ZNF385D: variants seen among roughly 807,000 people sequenced by gnomAD.
ZNF385D encodes the protein zinc finger protein 659.
A neutral mutation model predicts 35.8 loss-of-function variants in ZNF385D; 15 were observed. The observed-to-expected ratio is 0.42, with a 90% CI of 0.28 to 0.64. ZNF385D has a LOEUF of 0.64. Among genes scored for constraint, ZNF385D ranks in the 30% least tolerant of loss-of-function variants. The pLI is 0.23. For missense variants in ZNF385D, 474 were observed against 494.6 expected (o/e 0.96, Z 0.39); for synonymous variants, 212 against 186.8 (o/e 1.13, Z -1.10).
At chr3:22,059,006 C>T (rs747369325) in intron 3 of ZNF385D, among the ~76,000 whole-genome samples, 1 of 152,164 alleles carries the variant, frequency 6.6e-6, no homozygotes, top group Non-Finnish European at 1.5e-5. Flanking sequence ...CCCTAAACCT[C>T]CTACTAGGTC....
At chr3:21,500,271 T>C (rs974347845) in intron 4 of ZNF385D, among the ~76,000 whole-genome samples, 2 of 152,210 alleles carry the variant, frequency 1.3e-5, no homozygotes, top group African/African-American at 4.8e-5. Context: ...TTTTTACTAT[T>C]AAAATAATTC....
chr3:21,710,463 G>A (rs540141038), intron 1 of ZNF385D, among the ~76,000 whole-genome samples: 1 of 152,066 alleles, frequency 6.6e-6, no homozygotes, highest in African/African-American at 2.4e-5. Flanking sequence ...TCCTTAAGGT[G>A]CACTGGCTTC....
chr3:21,821,748 C>G (rs1694246010), intron 3 of ZNF385D, among the ~76,000 whole-genome samples: 1 of 151,990 alleles, frequency 6.6e-6, no homozygotes, highest in Admixed American at 6.6e-5. Flanking sequence ...ACCATGTCAG[C>G]TCAGGAGTTC....
intron 2 of ZNF385D, among the ~76,000 whole-genome samples, chr3:22,229,809 T>C (rs1469779087): frequency 1.3e-5 from 2 of 152,140 alleles, no homozygotes; most frequent in African/African-American, 4.8e-5. Context: ...AGGTCTCCCC[T>C]TGGGCAATGC....
chr3:22,012,137 G>T (rs1404625653), intron 3 of ZNF385D, among the ~76,000 whole-genome samples: 1 of 152,126 alleles, frequency 6.6e-6, no homozygotes, highest in Non-Finnish European at 1.5e-5. Context: ...TTAGTAATTA[G>T]AGTTTTCACT....
Position 21,932,120 on chromosome 3 carries a change from T to C in ZNF385D, c.325+236697A>G, listed in dbSNP as rs370956658. On this transcript the variant is annotated intron_variant, in intron 3 of 5. Coordinates refer to the ZNF385D transcript ENST00000494108. Reference sequence around the variant, plus strand: ...AGGCGGAGCTTGCAGTGAGCCGAGATAGCGCCCCTGCACTCCGGCCTGGGC... The same window carrying C: ...AGGCGGAGCTTGCAGTGAGCCGAGACAGCGCCCCTGCACTCCGGCCTGGGC... Among the ~76,000 whole-genome samples, 18 of 122,960 alleles carry C rather than the reference T, an allele frequency of 1.5e-4. No homozygotes were observed. The South Asian group carries it at 1.8e-3, about 12-fold the overall frequency. 80.7% of individuals were successfully genotyped at this position (122,960 alleles called of 152,430 possible).
At chr3:22,068,529 T>C (rs1700077387) in intron 3 of ZNF385D, among the ~76,000 whole-genome samples, 1 of 152,200 alleles carries the variant, frequency 6.6e-6, no homozygotes. Context: ...TAAAACTTTT[T>C]ATTATATTCT....
chr3:21,835,724 G>A (rs1695289858), intron 3 of ZNF385D, among the ~76,000 whole-genome samples: 1 of 152,040 alleles, frequency 6.6e-6, no homozygotes, highest in South Asian at 2.1e-4. Context: ...TATGGGGAAA[G>A]ATGATACCTT....
chr3:22,139,328 C>A (rs545086507), intron 3 of ZNF385D, among the ~76,000 whole-genome samples: 1 of 152,074 alleles, frequency 6.6e-6, no homozygotes, highest in Non-Finnish European at 1.5e-5. Flanking sequence ...ATGTTTAATG[C>A]GGCAGTATTC....
chr3:22,094,042 G>T (rs1361784407), intron 3 of ZNF385D, among the ~76,000 whole-genome samples: 3 of 151,962 alleles, frequency 2.0e-5, no homozygotes, highest in African/African-American at 7.3e-5. Context: ...TAATAAGTGG[G>T]TTGACTGGAT....
rs371203094 is a variant in ZNF385D at position 21,590,342 on chromosome 3, G to C, written c.166-25658C>G. Among the ~76,000 whole-genome samples, 7 of 152,208 alleles carry C rather than the reference G, an allele frequency of 4.6e-5. 1 individual carries two copies. Among genetic ancestry groups the C allele is most frequent in the African/African-American group, 1.7e-4 (7 of 41,522 alleles). On this transcript the variant is annotated intron_variant, in intron 2 of 7. Coordinates refer to ENST00000281523, the MANE Select transcript of ZNF385D (RefSeq NM_024697.3). Reference sequence around the variant, plus strand: ...GAGAGGCAAGGGGATATGACCAGCAGGGAGAAGCACAAATTATTTTAAAAG... The same window carrying C: ...GAGAGGCAAGGGGATATGACCAGCACGGAGAAGCACAAATTATTTTAAAAG...
At chr3:21,845,122 G>T (rs1220059419) in intron 3 of ZNF385D, among the ~76,000 whole-genome samples, 1 of 151,928 alleles carries the variant, frequency 6.6e-6, no homozygotes, top group African/African-American at 2.4e-5. Flanking sequence ...TAAAATGTCA[G>T]AATTATGGTT....
intron 2 of ZNF385D, among the ~76,000 whole-genome samples, chr3:22,200,250 T>G (rs912714632): frequency 6.6e-6 from 1 of 152,030 alleles, no homozygotes. Context: ...CCGATAGTCA[T>G]GTTGGTTCTT....
intron 1 of ZNF385D, among the ~76,000 whole-genome samples, chr3:21,699,866 C>A (rs9833350): frequency 0.16 from 19,204 of 119,784 alleles, 1,448 homozygotes; most frequent in East Asian, 0.25. Context: ...GAGTCTTGCT[C>A]TGTCGCCCAG....
intron 3 of ZNF385D, among the ~76,000 whole-genome samples, chr3:21,953,014 C>T (rs1702132010): frequency 6.6e-6 from 1 of 151,936 alleles, no homozygotes; most frequent in Non-Finnish European, 1.5e-5. Context: ...ATCACAAAAT[C>T]AAGATTGCAG....
chr3:21,431,405 C>T (rs1701286194), intron 5 of ZNF385D, among the ~76,000 whole-genome samples: 1 of 152,128 alleles, frequency 6.6e-6, no homozygotes, highest in Admixed American at 6.6e-5. Context: ...TTGTGAATTA[C>T]AGCTCTAGTA....
intron 1 of ZNF385D, among the ~76,000 whole-genome samples, chr3:21,704,602 G>A (rs948233969): frequency 1.1e-4 from 16 of 151,500 alleles, no homozygotes; most frequent in Admixed American, 5.3e-4. Flanking sequence ...TCTGCCTTCC[G>A]GGTTCAAGCG....
chr3:22,009,362 T>G (rs259452), intron 3 of ZNF385D, among the ~76,000 whole-genome samples: 116,941 of 151,902 alleles, frequency 0.77, 45,702 homozygotes, highest in South Asian at 0.81. Context: ...GGTGGCTCAC[T>G]CCTGCAATCC....
chr3:22,321,461 G>T (rs1172861595), intron 2 of ZNF385D, among the ~76,000 whole-genome samples: 1 of 151,960 alleles, frequency 6.6e-6, no homozygotes, highest in Admixed American at 6.6e-5. Context: ...TGCATCCTGG[G>T]TTCAAGCGAT....
Sources: gnomAD v4.1 joint callset for allele counts (sites outside exome capture counted in the v4.1 genomes callset) on GRCh38, gnomAD v4.1.1 for gene constraint, MANE v1.5 for transcripts, NCBI Gene and HGNC (gene_info 2026-07-23, HGNC 2026-07-21) for gene names.